The following SLC12A7 variants were observed in gnomAD, a reference collection of about 807,000 sequenced individuals.
The protein encoded by SLC12A7 is solute carrier family 12 member 7.
Under a neutral mutation model 120.6 loss-of-function variants are expected in SLC12A7, and 100 were observed. The ratio of observed to expected loss-of-function variants is 0.83; its 90% CI spans 0.71 to 0.98. The LOEUF (loss-of-function observed/expected upper bound fraction) is 0.98. Among genes scored for constraint, SLC12A7 ranks in the 50% least tolerant of loss-of-function variants. The pLI is 0.00. For missense variants in SLC12A7, 1,373 were observed against 1,548.1 expected (o/e 0.89, Z 1.90); for synonymous variants, 760 against 678.0 (o/e 1.12, Z -1.88).
intron 2 of SLC12A7, 27 bp downstream of exon 2, chr5:1,094,127 C>T: frequency 6.3e-7 from 1 of 1,583,888 alleles, no homozygotes; most frequent in Non-Finnish European, 8.7e-7. Flanking sequence ...GGCCCTGGCA[C>T]CTTCTTCTTC....
intron 3 of SLC12A7, among the ~76,000 whole-genome samples, chr5:1,091,334 C>T (rs1740473126): frequency 6.6e-6 from 1 of 152,186 alleles, no homozygotes; most frequent in Non-Finnish European, 1.5e-5. Context: ...TCTATGGGCA[C>T]CTCATGGCAG....
In SLC12A7 at chr5:1,075,364, C is replaced by T. The variant is rs781462017; in HGVS notation, c.1967+7G>A. 3.9e-5 allele frequency: 63 copies of T among 1,608,176 alleles called. No homozygotes were observed. Among genetic ancestry groups the T allele is most frequent in the Middle Eastern group, 1.6e-4 (1 of 6,064 alleles). ...CCGGGTCTGTAAGGGGGGCTGACAGCGCTTACCCGCGGTACTCGATGTACT... is the reference window on the plus strand; with the variant it reads ...CCGGGTCTGTAAGGGGGGCTGACAGTGCTTACCCGCGGTACTCGATGTACT... On this transcript the variant is annotated splice_region_variant and intron_variant, in intron 15 of 23. Coordinates refer to ENST00000264930, the MANE Select transcript of SLC12A7 (RefSeq NM_006598.3).
chr5:1,135,702 T>C, the SLC12A7 span, among the ~76,000 whole-genome samples: 1 of 152,228 alleles, frequency 6.6e-6, no homozygotes, highest in Non-Finnish European at 1.5e-5. Flanking sequence ...TGTGACGATA[T>C]TCCTGGAAAG....
chr5:1,057,320 C>T, intron 22 of SLC12A7, 151 bp downstream of exon 22: 2 of 776,854 alleles, frequency 2.6e-6, no homozygotes, highest in Admixed American at 2.7e-5. Context: ...CCCTCAGTGC[C>T]CACTCAGGCG....
intron 2 of SLC12A7, 76 bp from the exon 3 acceptor site, chr5:1,093,731 G>A (rs1740795353): frequency 1.3e-6 from 2 of 1,590,330 alleles, no homozygotes; most frequent in African/African-American, 1.3e-5. Flanking sequence ...CGTGTTCAGG[G>A]TGTGGAGCTC....
At chr5:1,141,164 G>T in the SLC12A7 span, among the ~76,000 whole-genome samples, 1 of 152,190 alleles carries the variant, frequency 6.6e-6, no homozygotes, top group African/African-American at 2.4e-5. Flanking sequence ...TTCTTGGCTT[G>T]CAGGCCCCAG....
intron 1 of SLC12A7, among the ~76,000 whole-genome samples, chr5:1,111,099 G>A (rs1017864069): frequency 6.6e-5 from 10 of 152,248 alleles, no homozygotes; most frequent in Admixed American, 5.2e-4. Context: ...GACTGAGTCC[G>A]GACACCTTCT....
At position 1,065,337 on chromosome 5, in the gene SLC12A7, A is replaced by T. The variant is rs1736925941; in HGVS notation, c.2383T>A (p.Trp795Arg). 1 of 1,604,570 alleles carries T rather than the reference A, an allele frequency of 6.2e-7. No individual in the cohort carries two copies. Among genetic ancestry groups the T allele is most frequent in the Non-Finnish European group, 8.5e-7 (1 of 1,174,408 alleles). ...GLKHNTVLMA[W>R]PASWKQEDNP... is the part of the protein sequence containing the mutation. The stretch of plus-strand genomic sequence containing the variant: ...TCCTCCTGCTTCCAGGATGCGGGCC[A>T]GGCCATGAGCACCGTGTTGTGCTTC... The change falls in exon 18 of 24, where the codon TGG becomes AGG. Residue 795 changes from tryptophan (W) to arginine (R), a missense_variant. Physicochemically the swap from Trp to Arg is moderately radical, Grantham distance 101. Coordinates refer to ENST00000264930, the MANE Select transcript of SLC12A7 (RefSeq NM_006598.3).
At chr5:1,128,621 G>A in the SLC12A7 span, among the ~76,000 whole-genome samples, 21,613 of 152,306 alleles carry the variant, frequency 0.14, 1,779 homozygotes, top group Non-Finnish European at 0.18. Flanking sequence ...CAGCAGGTGC[G>A]GTGGCTAGTG....
intron 1 of SLC12A7, among the ~76,000 whole-genome samples, chr5:1,101,626 T>C (rs1254217408): frequency 6.6e-6 from 1 of 152,190 alleles, no homozygotes; most frequent in African/African-American, 2.4e-5. Context: ...TTATTTTTTC[T>C]ACCTCTTCAT....
chr5:1,070,035 AGCCCCC>A (rs1737516898), intron 17 of SLC12A7, among the ~76,000 whole-genome samples: 1 of 6,164 alleles, frequency 1.6e-4, no homozygotes, highest in Non-Finnish European at 6.5e-4. Context: ...ACACTTATGC[AGCCCCC>A]AGTGAGCCCC....
At chr5:1,145,413 C>T in the SLC12A7 span, among the ~76,000 whole-genome samples, 6 of 152,176 alleles carry the variant, frequency 3.9e-5, no homozygotes, top group African/African-American at 1.2e-4. The surrounding 1 kb of genome is among the most constrained non-coding windows in gnomAD (Gnocchi z 4.4). Flanking sequence ...GGGGTAATTG[C>T]GGCCAGGTGC....
upstream of SLC12A7, among the ~76,000 whole-genome samples, chr5:1,114,831 C>G (rs1270844162): frequency 6.6e-6 from 1 of 152,164 alleles, no homozygotes; most frequent in African/African-American, 2.4e-5. Context: ...TGCTTGATGT[C>G]TGAATCGACA....
At chr5:1,120,636 G>A in the SLC12A7 span, among the ~76,000 whole-genome samples, 1 of 152,192 alleles carries the variant, frequency 6.6e-6, no homozygotes, top group Non-Finnish European at 1.5e-5. Context: ...ACACACAAAG[G>A]CCTTCCTGGG....
chr5:1,087,186 C>T (rs553728226), intron 5 of SLC12A7, among the ~76,000 whole-genome samples, 153 bp from the exon 6 acceptor site: 10 of 152,330 alleles, frequency 6.6e-5, no homozygotes, highest in South Asian at 4.1e-4. Flanking sequence ...CACATGGAGA[C>T]GCTTCCACGG....
chr5:1,128,703 C>T, the SLC12A7 span, among the ~76,000 whole-genome samples: 6 of 152,342 alleles, frequency 3.9e-5, no homozygotes, highest in South Asian at 2.1e-4. Flanking sequence ...CAGGCTGCAG[C>T]GGAGCATGTG....
intron 17 of SLC12A7, among the ~76,000 whole-genome samples, chr5:1,069,187 GC>G (rs1322417260): frequency 6.6e-6 from 1 of 152,268 alleles, no homozygotes; most frequent in Non-Finnish European, 1.5e-5. Context: ...CTGTGCAACA[GC>G]CTGAGAAGGT....
the SLC12A7 span, among the ~76,000 whole-genome samples, chr5:1,141,455 TGGGCACCAGAGCCGCCAC>T: frequency 1.1e-3 from 54 of 49,738 alleles, no homozygotes; most frequent in Non-Finnish European, 2.3e-3. Flanking sequence ...ACAGCCGCCA[TGGGCACCAGAGCCGCCAC>T]GGGCACCACA....
chr5:1,118,788 T>C, the SLC12A7 span, among the ~76,000 whole-genome samples: 5 of 152,194 alleles, frequency 3.3e-5, no homozygotes, highest in Non-Finnish European at 7.3e-5. Context: ...TAACATCAAA[T>C]GTGCTGGCCC....
Sources: gnomAD v4.1 joint callset for allele counts (sites outside exome capture counted in the v4.1 genomes callset) on GRCh38, gnomAD v4.1.1 for gene constraint, Gnocchi (gnomAD v3.1) non-coding constraint, MANE v1.5 for transcripts, NCBI Gene and HGNC (gene_info 2026-07-23, HGNC 2026-07-21) for gene names.